The following ZNG1E variants were observed in gnomAD, a reference collection of about 807,000 sequenced individuals.
ZNG1E encodes Zn regulated GTPase metalloprotein activator 1E.
chr9:65,716,751 C>CA, the ZNG1E span, among the ~76,000 whole-genome samples: 1 of 147,956 alleles, frequency 6.8e-6, no homozygotes, highest in Admixed American at 6.7e-5. Context: ...ATTCCTCCTT[C>CA]TCAGTTTGGA....
chr9:65,672,906 A>T, the ZNG1E span, among the ~76,000 whole-genome samples: 1 of 93,924 alleles, frequency 1.1e-5, no homozygotes, highest in African/African-American at 4.4e-5. Context: ...AAATTTTATC[A>T]AGCTGTAATC....
the ZNG1E span, among the ~76,000 whole-genome samples, chr9:65,662,728 A>C: frequency 6.6e-6 from 1 of 151,996 alleles, no homozygotes; most frequent in African/African-American, 2.4e-5. Context: ...ATAAAAATAA[A>C]AATTGTTATG....
chr9:65,663,659 A>G, the ZNG1E span, among the ~76,000 whole-genome samples: 2 of 151,700 alleles, frequency 1.3e-5, no homozygotes, highest in African/African-American at 2.4e-5. Context: ...ATGTTTGTAT[A>G]TGTAAATATG....
the ZNG1E span, among the ~76,000 whole-genome samples, chr9:65,661,758 A>G: frequency 1.3e-5 from 2 of 152,180 alleles, no homozygotes; most frequent in African/African-American, 2.4e-5. Context: ...GGCCTAAGCT[A>G]AAGAGATTAA....
the ZNG1E span, among the ~76,000 whole-genome samples, chr9:65,666,734 G>A: frequency 3.1e-3 from 468 of 148,804 alleles, 1 homozygote; most frequent in African/African-American, 0.011. Context: ...AGAATTTCAT[G>A]AACAAAAATA....
chr9:65,657,634 T>C, the ZNG1E span, among the ~76,000 whole-genome samples: 1 of 152,188 alleles, frequency 6.6e-6, no homozygotes, highest in Non-Finnish European at 1.5e-5. Context: ...ATAGAATGAA[T>C]AAATCTAATA....
Sources: allele counts gnomAD v4.1 joint callset (sites outside exome capture counted in the v4.1 genomes callset), GRCh38; gene constraint gnomAD v4.1.1; transcripts MANE v1.5; gene names NCBI Gene and HGNC (gene_info 2026-07-23, HGNC 2026-07-21).